Variants in PALS1 observed in about 807,000 individuals in gnomAD.
PALS1 encodes protein associated with LIN7 1, MAGUK p55 family member.
A neutral mutation model predicts 78.9 loss-of-function variants in PALS1; 31 were observed. The ratio of observed to expected loss-of-function variants is 0.39; its 90% CI spans 0.30 to 0.53. The LOEUF (loss-of-function observed/expected upper bound fraction) is 0.53. Among genes scored for constraint, PALS1 ranks in the 20% least tolerant of loss-of-function variants. PALS1 has a pLI of 0.67. For missense variants in PALS1, 704 were observed against 826.5 expected (o/e 0.85, Z 1.82); for synonymous variants, 276 against 270.9 (o/e 1.02, Z -0.18).
At chr14:67,296,467 G>A (rs1461000863) in intron 4 of PALS1, among the ~76,000 whole-genome samples, 3 of 151,506 alleles carry the variant, frequency 2.0e-5, no homozygotes, top group African/African-American at 7.3e-5. Flanking sequence ...CGGGTGTGGT[G>A]GTACTCAGGA....
At chr14:67,294,158 T>G (rs1407080923) in intron 4 of PALS1, among the ~76,000 whole-genome samples, 1 of 152,192 alleles carries the variant, frequency 6.6e-6, no homozygotes, top group Non-Finnish European at 1.5e-5. Context: ...AGTTCACTAT[T>G]TTAAAAGTAC....
intron 11 of PALS1, among the ~76,000 whole-genome samples, chr14:67,318,987 G>A (rs1056931998): frequency 6.6e-6 from 1 of 152,098 alleles, no homozygotes; most frequent in African/African-American, 2.4e-5. Context: ...GAACCCGGGA[G>A]GCGGAGCTTG....
intron 4 of PALS1, among the ~76,000 whole-genome samples, chr14:67,300,838 GTCTT>G (rs1298167663): frequency 6.6e-6 from 1 of 151,530 alleles, no homozygotes; most frequent in Non-Finnish European, 1.5e-5. Flanking sequence ...TAGACTGTCA[GTCTT>G]TTTTTTTAAT....
chr14:67,279,553 G>A lies in PALS1; in HGVS notation c.367+16G>A. Reference sequence around the variant, plus strand: ...AAAATATTAGGTAAGTAAAAATAGAGGTATAACAGAAAACATTTTGCTTTA... The same window carrying A: ...AAAATATTAGGTAAGTAAAAATAGAAGTATAACAGAAAACATTTTGCTTTA... On this transcript the variant is annotated intron_variant, in intron 3 of 14. Coordinates refer to ENST00000261681, the MANE Select transcript of PALS1 (RefSeq NM_022474.4). The A allele has an allele frequency of 6.6e-7, 1 of 1,506,782 alleles. No individual in the cohort carries two copies. The highest frequency in any genetic ancestry group is 8.8e-7 in the Non-Finnish European group (1 of 1,130,094). The allele number at this position is 1,506,782 out of a possible 1,614,324, so 93.3% of individuals were successfully genotyped here. A position where few individuals can be genotyped will look rare whatever the true frequency, so the allele number is the denominator to read the frequency against.
At chr14:67,308,217 C>T (rs2085034691) in intron 8 of PALS1, among the ~76,000 whole-genome samples, 1 of 147,210 alleles carries the variant, frequency 6.8e-6, no homozygotes, top group Non-Finnish European at 1.5e-5. Context: ...GCAGTTGGAT[C>T]CCTGAACTTA....
chr14:67,286,693 C>CA (rs1020619943), intron 3 of PALS1, among the ~76,000 whole-genome samples: 16 of 146,872 alleles, frequency 1.1e-4, no homozygotes, highest in East Asian at 4.1e-4. Flanking sequence ...CCATCTCTAC[C>CA]AAAAAAAATA....
chr14:67,298,062 C>A (rs1384944511), intron 4 of PALS1, among the ~76,000 whole-genome samples: 1 of 152,026 alleles, frequency 6.6e-6, no homozygotes, highest in Non-Finnish European at 1.5e-5. Flanking sequence ...AAGGTTAAGG[C>A]ATAAGGAATG....
intron 13 of PALS1, among the ~76,000 whole-genome samples, chr14:67,323,227 A>T (rs527773018): frequency 1.0e-5 from 1 of 98,266 alleles, no homozygotes; most frequent in Non-Finnish European, 1.9e-5. Flanking sequence ...ATACACATAT[A>T]TACACGTGTG....
intron 1 of PALS1, among the ~76,000 whole-genome samples, chr14:67,264,420 G>A (rs1305539550): frequency 6.6e-6 from 1 of 151,608 alleles, no homozygotes; most frequent in Non-Finnish European, 1.5e-5. Context: ...CTGTGCTTTT[G>A]GGGTCAAATT....
chr14:67,302,597 A>C, intron 7 of PALS1, 26 bp downstream of exon 7: 2 of 1,427,502 alleles, frequency 1.4e-6, no homozygotes, highest in Non-Finnish European at 1.8e-6. Flanking sequence ...TAGAAGAATA[A>C]TTGATAGCTT....
rs113728160 is a variant in PALS1 at position 67,269,217 on chromosome 14, C to T, written c.-236-484C>T. ...GTATCACTACTTCATTTTTATTTTC[C>T]AATAATGTTTCATATAGGATTATAC... On this transcript the variant is annotated intron_variant, in intron 1 of 14. Coordinates refer to ENST00000261681, the MANE Select transcript of PALS1 (RefSeq NM_022474.4). Among the ~76,000 whole-genome samples, 1,329 of 152,172 alleles carry T rather than the reference C, an allele frequency of 8.7e-3. 20 individuals are homozygous for T. The highest frequency in any genetic ancestry group is 0.029 in the African/African-American group (1,204 of 41,512).
chr14:67,277,946 A>G (rs2084531530), intron 2 of PALS1, among the ~76,000 whole-genome samples: 1 of 152,106 alleles, frequency 6.6e-6, no homozygotes, highest in African/African-American at 2.4e-5. Flanking sequence ...TTTTTGCTGT[A>G]CAGTATGACT....
intron 1 of PALS1, among the ~76,000 whole-genome samples, chr14:67,261,056 C>G (rs574684340): frequency 9.2e-5 from 14 of 152,176 alleles, no homozygotes; most frequent in Admixed American, 5.9e-4. Flanking sequence ...TGTTAAGATA[C>G]AAAATTGAAC....
At chr14:67,308,154 A>C (rs10146389) in intron 8 of PALS1, among the ~76,000 whole-genome samples, 28,818 of 151,568 alleles carry the variant, frequency 0.19, 4,391 homozygotes, top group East Asian at 0.48. Context: ...TGGGTGATGA[A>C]ATAATCTGTA....
At chr14:67,320,713 G>GA (rs3832972) in intron 12 of PALS1, among the ~76,000 whole-genome samples, 23,526 of 152,012 alleles carry the variant, frequency 0.15, 3,444 homozygotes, top group East Asian at 0.42. Flanking sequence ...GGCATAATCT[G>GA]AAACAGAAGT....
intron 3 of PALS1, among the ~76,000 whole-genome samples, chr14:67,287,244 C>T (rs1407209123): frequency 6.6e-6 from 1 of 151,638 alleles, no homozygotes; most frequent in East Asian, 1.9e-4. Context: ...AAAAAAGACA[C>T]TGGAGATTCT....
chr14:67,296,204 AG>A (rs1194649874), intron 4 of PALS1, among the ~76,000 whole-genome samples: 2 of 152,186 alleles, frequency 1.3e-5, no homozygotes, highest in African/African-American at 4.8e-5. Context: ...CGTAAGAAAG[AG>A]GAAAAGGCAT....
intron 2 of PALS1, among the ~76,000 whole-genome samples, chr14:67,274,022 GC>G (rs2084457789): frequency 6.6e-6 from 1 of 152,100 alleles, no homozygotes; most frequent in South Asian, 2.1e-4. Flanking sequence ...CTGGATATTA[GC>G]CCTTTGTCAG....
rs1199383311 is a variant in PALS1, at chr14:67,323,735, C to A, written c.1774C>A (p.Pro592Thr). 6.3e-7 allele frequency: 1 copy of A among 1,595,896 alleles called. No individual in the cohort carries two copies. The highest frequency in any genetic ancestry group is 1.1e-5 in the South Asian group (1 of 87,976). Residue 592 changes from proline to threonine, a missense_variant, in exon 14 of 15, where the codon CCA (proline) becomes ACA (threonine). By Grantham distance (38) the Pro-to-Thr change is conservative. Coordinates refer to ENST00000261681, the MANE Select transcript of PALS1 (RefSeq NM_022474.4). ...GACTCTCCGGAATTCAGATTTGAAA[C>A]CATATATTATCTTCATTGCACCCCC... ...LKTLRNSDLK[P>T]YIIFIAPPSQ...
Sources: allele counts gnomAD v4.1 joint callset (sites outside exome capture counted in the v4.1 genomes callset), GRCh38; gene constraint gnomAD v4.1.1; transcripts MANE v1.5; gene names NCBI Gene and HGNC (gene_info 2026-07-23, HGNC 2026-07-21).